BNC2: variants seen among roughly 807,000 people sequenced by gnomAD.
BNC2 encodes zinc finger protein basonuclin-2.
BNC2 carries 20 observed loss-of-function variants against 76.3 expected under a neutral mutation model. The ratio of observed to expected loss-of-function variants is 0.26; its 90% CI spans 0.18 to 0.38. The LOEUF (loss-of-function observed/expected upper bound fraction) is 0.38. Among genes scored for constraint, BNC2 ranks in the 10% least tolerant of loss-of-function variants. The probability of loss-of-function intolerance (pLI) is 1.00; values close to 1 mark genes in which losing one functional copy is unlikely to be tolerated. For missense variants in BNC2, 1,382 were observed against 1,399.8 expected (o/e 0.99, Z 0.20); for synonymous variants, 582 against 514.8 (o/e 1.13, Z -1.77).
At chr9:16,837,640 T>G (rs1818738308) in intron 1 of BNC2, among the ~76,000 whole-genome samples, 1 of 152,218 alleles carries the variant, frequency 6.6e-6, no homozygotes, top group South Asian at 2.1e-4. Context: ...TAGAATGAGA[T>G]AAATAAAACC....
chr9:16,567,775 T>C (rs1373794295), intron 4 of BNC2, among the ~76,000 whole-genome samples: 1 of 152,176 alleles, frequency 6.6e-6, no homozygotes, highest in Admixed American at 6.5e-5. Flanking sequence ...AATATGCTCA[T>C]TTCAGGTCCT....
In BNC2 at chr9:16,751,618, G is replaced by GTATATA. The variant is rs147548138; in HGVS notation, c.4-13139_4-13134dup. The stretch of plus-strand genomic sequence containing the variant: ...GTCCCCAGCACAAATATATATATGT[G>GTATATA]TATATATATATGTATGTATATATGT... On this transcript the variant is annotated intron_variant, in intron 1 of 6. Transcript: ENST00000380672. Among the ~76,000 whole-genome samples, 176 of 73,100 alleles carry GTATATA rather than the reference G, an allele frequency of 2.4e-3. 2 individuals carry two copies. Among genetic ancestry groups the GTATATA allele is most frequent in the Middle Eastern group, 6.4e-3 (1 of 156 alleles). 48.0% of individuals were successfully genotyped at this position (73,100 alleles called of 152,430 possible).
intron 5 of BNC2, among the ~76,000 whole-genome samples, chr9:16,506,910 C>A (rs1042655390): frequency 1.3e-5 from 2 of 151,996 alleles, no homozygotes; most frequent in African/African-American, 4.8e-5. Flanking sequence ...TGCCACCACA[C>A]TCGGCTAATT....
chr9:16,852,945 T>TG (rs1028566183), intron 1 of BNC2, among the ~76,000 whole-genome samples: 4 of 152,166 alleles, frequency 2.6e-5, no homozygotes, highest in Non-Finnish European at 5.9e-5. Context: ...AGAGTTGGGC[T>TG]GGGTCACAAA....
intron 6 of BNC2, among the ~76,000 whole-genome samples, chr9:16,432,774 T>C (rs1291731618): frequency 1.3e-5 from 2 of 151,868 alleles, no homozygotes; most frequent in Non-Finnish European, 2.9e-5. Flanking sequence ...CAAAGGAGGG[T>C]TTCTGTTTGA....
intron 3 of BNC2, among the ~76,000 whole-genome samples, chr9:16,682,490 T>C (rs1441821290): frequency 2.5e-4 from 38 of 151,966 alleles, no homozygotes; most frequent in Admixed American, 2.5e-3. Flanking sequence ...ACAGGAACAG[T>C]GTCATCACTA....
intron 1 of BNC2, among the ~76,000 whole-genome samples, chr9:16,769,801 CA>C (rs1165900485): frequency 6.6e-6 from 1 of 152,180 alleles, no homozygotes; most frequent in Non-Finnish European, 1.5e-5. Context: ...CCACCACTTA[CA>C]AGATTCATGT....
At chr9:16,497,978 G>GGGGTGTGTGT (rs377162462) in intron 5 of BNC2, among the ~76,000 whole-genome samples, 1 of 134,840 alleles carries the variant, frequency 7.4e-6, no homozygotes, top group Non-Finnish European at 1.6e-5. Context: ...AAGAAACTGT[G>GGGGTGTGTGT]GTGTGTGTGT....
At chr9:16,814,199 T>G in intron 1 of BNC2, among the ~76,000 whole-genome samples, 1 of 152,226 alleles carries the variant, frequency 6.6e-6, no homozygotes, top group East Asian at 1.9e-4. Context: ...TGATAAATGT[T>G]TTTGCCTTGT....
Position 16,552,737 on chromosome 9 carries a change from C to T in BNC2, c.462G>A (p.Leu154=), listed in dbSNP as rs753440828. 2 of 1,614,112 alleles carry T rather than the reference C, an allele frequency of 1.2e-6. No homozygotes were observed. The highest frequency in any genetic ancestry group is 1.1e-5 in the South Asian group (1 of 91,086). ...HALDKLSTQH[L]YHPTQVEIVQ... is the part of the protein sequence containing the mutation. Reference sequence around the variant, plus strand: ...CAATCTCCACTTGGGTGGGGTGGTACAGGTGCTGCGTGCTGAGCTTATCCA... The same window carrying T: ...CAATCTCCACTTGGGTGGGGTGGTATAGGTGCTGCGTGCTGAGCTTATCCA... The change falls in exon 5 of 7, where the codon CTG becomes CTA. Residue 154 remains leucine (L), a synonymous_variant. Transcript: ENST00000380672.
intron 5 of BNC2, among the ~76,000 whole-genome samples, chr9:16,535,824 G>A (rs995011441): frequency 2.0e-5 from 3 of 152,156 alleles, no homozygotes; most frequent in Non-Finnish European, 4.4e-5. Flanking sequence ...TATGAAGCAA[G>A]TAGACACTTT....
At chr9:16,459,297 C>T (rs1287570442) in intron 5 of BNC2, among the ~76,000 whole-genome samples, 2 of 152,130 alleles carry the variant, frequency 1.3e-5, no homozygotes, top group Non-Finnish European at 2.9e-5. Flanking sequence ...AGAAAGGAAA[C>T]AAGAAACACA....
intron 4 of BNC2, among the ~76,000 whole-genome samples, chr9:16,566,296 T>C (rs180777943): frequency 7.2e-5 from 11 of 152,288 alleles, no homozygotes; most frequent in Admixed American, 7.2e-4. Context: ...TAAGTGTATA[T>C]AATAGAATAA....
At chr9:16,470,028 C>T (rs1291330971) in intron 5 of BNC2, among the ~76,000 whole-genome samples, 2 of 145,726 alleles carry the variant, frequency 1.4e-5, no homozygotes, top group South Asian at 4.4e-4. Context: ...GATGGAGTCC[C>T]GCTCTGTTGC....
At chr9:16,674,062 G>C (rs897664458) in intron 3 of BNC2, among the ~76,000 whole-genome samples, 1 of 151,964 alleles carries the variant, frequency 6.6e-6, no homozygotes, top group Non-Finnish European at 1.5e-5. Flanking sequence ...CTGCCTTTTC[G>C]GACTAATATT....
rs561225327 is a variant in BNC2, at chr9:16,770,237, G to T, written c.4-31752C>A. On this transcript the variant is annotated intron_variant, in intron 1 of 6. Transcript: ENST00000380672. Reference sequence around the variant, plus strand: ...AGTTGACAGTGGATGCTCATCCACTGCCACCCTAAGATCAGGGCCAACCCT... The same window carrying T: ...AGTTGACAGTGGATGCTCATCCACTTCCACCCTAAGATCAGGGCCAACCCT... 4.6e-5 allele frequency among the ~76,000 whole-genome samples: 7 copies of T among 152,242 alleles called. No individual in the cohort carries two copies. The South Asian group carries it at 1.2e-3, about 27-fold the overall frequency.
In BNC2 at chr9:16,715,138, C is replaced by T. The variant is rs544984140; in HGVS notation, c.330+12659G>A. Among the ~76,000 whole-genome samples the T allele has an allele frequency of 7.9e-5, 12 of 152,276 alleles. 1 individual carries two copies. In the South Asian group the frequency reaches 2.1e-3, roughly 26 times the overall value. ...ACGAAAAGCTTTTTATAGTTGAATT[C>T]GGCTTTTCATCTACATCAATTACTT... On this transcript the variant is annotated intron_variant, in intron 3 of 6. Coordinates refer to ENST00000380672, the MANE Select transcript of BNC2 (RefSeq NM_017637.6).
rs1259545017 is a variant in BNC2, at chr9:16,415,727, G to T, written c.*3262C>A. 6.6e-6 allele frequency: 1 copy of T among 152,182 alleles called. No homozygotes were observed. Among genetic ancestry groups the T allele is most frequent in the Admixed American group, 6.5e-5 (1 of 15,272 alleles). 9.4% of individuals were successfully genotyped at this position (152,182 alleles called of 1,614,324 possible). On this transcript the variant is annotated 3_prime_UTR_variant, in exon 7 of 7. Transcript: ENST00000380672. Reference sequence around the variant, plus strand: ...AACGAGCAATACTTTGGAAACAGAAGAATTGTACATTTTATGATTTTCCAT... The same window carrying T: ...AACGAGCAATACTTTGGAAACAGAATAATTGTACATTTTATGATTTTCCAT...
At chr9:16,740,634 C>G (rs1824817514) in intron 1 of BNC2, among the ~76,000 whole-genome samples, 1 of 152,038 alleles carries the variant, frequency 6.6e-6, no homozygotes, top group Non-Finnish European at 1.5e-5. Context: ...GTAAGAGAAA[C>G]GTGGTCTGAA....
Sources: gnomAD v4.1 joint callset for allele counts (sites outside exome capture counted in the v4.1 genomes callset) on GRCh38, gnomAD v4.1.1 for gene constraint, MANE v1.5 for transcripts, NCBI Gene and HGNC (gene_info 2026-07-23, HGNC 2026-07-21) for gene names.